The following CTNNA3 variants were observed in gnomAD, a reference collection of about 807,000 sequenced individuals.
CTNNA3 encodes catenin alpha-3.
Under a neutral mutation model 95.7 loss-of-function variants are expected in CTNNA3, and 76 were observed. The ratio of observed to expected loss-of-function variants is 0.79; its 90% confidence interval spans 0.66 to 0.96. CTNNA3 has a LOEUF of 0.96. CTNNA3 is among the 40% of genes least tolerant of loss of function. CTNNA3 has a pLI of 0.00. For synonymous variants in CTNNA3, 431 were observed against 374.4 expected, an observed-to-expected ratio of 1.15 and a Z score of -1.74; for missense variants, 1,191 against 1,089.8, an observed-to-expected ratio of 1.09 and a Z score of -1.31.
At chr10:66,874,087 T>A (rs74589311) in intron 7 of CTNNA3, among the ~76,000 whole-genome samples, 2,411 of 148,640 alleles carry the variant, frequency 0.016, 47 homozygotes, top group African/African-American at 0.057. Context: ...AGAAGGTTAA[T>A]AAAGCCATTT....
At chr10:67,474,729 T>G (rs1427005907) in intron 5 of CTNNA3, among the ~76,000 whole-genome samples, 4 of 152,220 alleles carry the variant, frequency 2.6e-5, no homozygotes, top group African/African-American at 7.2e-5. Context: ...ACTAAATTCT[T>G]GTAAGAGTAG....
chr10:65,927,803 G>A (rs1287919362), intron 17 of CTNNA3, among the ~76,000 whole-genome samples: 3 of 151,782 alleles, frequency 2.0e-5, no homozygotes, highest in Admixed American at 6.6e-5. Flanking sequence ...ATTTCTCTTG[G>A]GTAAATAACT....
intron 17 of CTNNA3, among the ~76,000 whole-genome samples, chr10:65,962,569 T>A (rs950641345): frequency 6.6e-6 from 1 of 152,030 alleles, no homozygotes; most frequent in African/African-American, 2.4e-5. Context: ...ATTTTTTTTT[T>A]ATTATACTTT....
chr10:65,939,799 T>C (rs902242927), intron 17 of CTNNA3, among the ~76,000 whole-genome samples: 1 of 152,172 alleles, frequency 6.6e-6, no homozygotes, highest in African/African-American at 2.4e-5. Context: ...AATTATATAA[T>C]GATAGGTTAC....
In CTNNA3 at chr10:66,133,841, G is replaced by A. The variant is rs200234778; in HGVS notation, c.1885-30592C>T. On this transcript the variant is annotated intron_variant, in intron 13 of 17. Transcript: ENST00000433211. The stretch of plus-strand genomic sequence containing the variant: ...TACTCATTAGGCTTGACATAAAATG[G>A]ATGTGAACAACATACTCTATAGCAG... Among the ~76,000 whole-genome samples, 8 of 152,198 alleles carry A rather than the reference G, an allele frequency of 5.3e-5. No individual in the cohort carries two copies. The East Asian group carries it at 1.5e-3, about 29-fold the overall frequency.
chr10:65,952,416 TTTTC>T (rs1430234306), intron 17 of CTNNA3, among the ~76,000 whole-genome samples: 2 of 152,144 alleles, frequency 1.3e-5, no homozygotes, highest in Admixed American at 6.5e-5. Flanking sequence ...TCTCTTTCCT[TTTTC>T]TTTCTTTTAT....
intron 15 of CTNNA3, among the ~76,000 whole-genome samples, chr10:66,067,384 C>A (rs924896251): frequency 6.6e-6 from 1 of 152,058 alleles, no homozygotes; most frequent in African/African-American, 2.4e-5. Context: ...TGCTGGGTAC[C>A]CCACTCAGTC....
At chr10:66,355,281 C>T (rs1488225711) in intron 12 of CTNNA3, among the ~76,000 whole-genome samples, 2 of 152,098 alleles carry the variant, frequency 1.3e-5, no homozygotes, top group Non-Finnish European at 2.9e-5. Context: ...TAGGAAGTCA[C>T]TATTTCATGG....
At chr10:66,793,504 G>T (rs1318859915) in intron 7 of CTNNA3, among the ~76,000 whole-genome samples, 1 of 151,760 alleles carries the variant, frequency 6.6e-6, no homozygotes, top group Non-Finnish European at 1.5e-5. Flanking sequence ...AAGTAAACTT[G>T]TCTAAATAAT....
intron 7 of CTNNA3, among the ~76,000 whole-genome samples, chr10:66,843,845 A>G (rs916880109): frequency 6.6e-6 from 1 of 152,202 alleles, no homozygotes; most frequent in African/African-American, 2.4e-5. Flanking sequence ...AAGGGAGTGC[A>G]GTATTTATCA....
At chr10:67,442,454 T>C (rs1846557018) in intron 5 of CTNNA3, among the ~76,000 whole-genome samples, 1 of 152,042 alleles carries the variant, frequency 6.6e-6, no homozygotes, top group Admixed American at 6.6e-5. Flanking sequence ...CAATGATCTG[T>C]TGCCTACAAG....
Position 65,934,591 on chromosome 10 carries a change from G to A in CTNNA3, c.2401-13974C>T, listed in dbSNP as rs551887525. Among the ~76,000 whole-genome samples, 129 of 152,202 alleles carry A rather than the reference G, an allele frequency of 8.5e-4. 1 individual carries two copies. The highest frequency in any genetic ancestry group is 2.9e-3 in the African/African-American group (121 of 41,546). On this transcript the variant is annotated intron_variant, in intron 17 of 17. Coordinates refer to ENST00000433211, the MANE Select transcript of CTNNA3 (RefSeq NM_013266.4). ...TCTATTTTGATCTTTAAAATCCAGA[G>A]TTTTGAAGCAAAGTTTTTGTTACTT...
chr10:66,690,350 G>C (rs1202353974), intron 9 of CTNNA3, among the ~76,000 whole-genome samples: 3 of 151,650 alleles, frequency 2.0e-5, no homozygotes, highest in Non-Finnish European at 4.4e-5. Context: ...TATACTTTAA[G>C]TTTTAGGGTA....
chr10:67,306,294 C>G (rs745964504), intron 5 of CTNNA3, among the ~76,000 whole-genome samples: 1 of 152,074 alleles, frequency 6.6e-6, no homozygotes, highest in African/African-American at 2.4e-5. Context: ...TCTTCTTATA[C>G]CAGACATTGG....
At chr10:66,083,206 C>A (rs1392088068) in intron 14 of CTNNA3, among the ~76,000 whole-genome samples, 2 of 152,086 alleles carry the variant, frequency 1.3e-5, no homozygotes, top group Non-Finnish European at 2.9e-5. Context: ...TTTTGGATAA[C>A]CACATAGCTT....
chr10:66,081,926 G>A (rs1296183438), intron 14 of CTNNA3, among the ~76,000 whole-genome samples: 1 of 152,104 alleles, frequency 6.6e-6, no homozygotes, highest in Non-Finnish European at 1.5e-5. Context: ...AGATCAGCCT[G>A]ACCAGCATGG....
chr10:67,564,126 A>T (rs1270268566), intron 3 of CTNNA3, among the ~76,000 whole-genome samples: 2 of 149,988 alleles, frequency 1.3e-5, no homozygotes, highest in Non-Finnish European at 3.0e-5. Context: ...CATTTGACCC[A>T]GTGATCCCAT....
At chr10:66,338,654 A>G (rs912555236) in intron 12 of CTNNA3, among the ~76,000 whole-genome samples, 2 of 151,900 alleles carry the variant, frequency 1.3e-5, no homozygotes, top group African/African-American at 4.8e-5. Flanking sequence ...GAAAACCTAA[A>G]GAGAAAAGAG....
At chr10:67,241,931 C>A (rs1463308329) in intron 5 of CTNNA3, among the ~76,000 whole-genome samples, 2 of 152,028 alleles carry the variant, frequency 1.3e-5, no homozygotes, top group Non-Finnish European at 2.9e-5. Flanking sequence ...CATTTAATGG[C>A]CCCACTAGGA....
Sources: gnomAD v4.1 joint callset for allele counts (sites outside exome capture counted in the v4.1 genomes callset) on GRCh38, gnomAD v4.1.1 for gene constraint, MANE v1.5 for transcripts, NCBI Gene and HGNC (gene_info 2026-07-23, HGNC 2026-07-21) for gene names.